Variants in KMO observed in about 807,000 individuals in gnomAD.
KMO encodes kynurenine 3-hydroxylase.
KMO carries 24 observed loss-of-function variants against 57.8 expected under a neutral mutation model. The observed-to-expected ratio is 0.42, with a 90% CI of 0.30 to 0.58. The LOEUF (loss-of-function observed/expected upper bound fraction) is 0.58, where lower values mean the gene tolerates loss of function less well. Among genes scored for constraint, KMO ranks in the 20% least tolerant of loss-of-function variants. The probability of loss-of-function intolerance (pLI) is 0.22; values close to 1 mark genes in which losing one functional copy is unlikely to be tolerated. For synonymous variants in KMO, 210 were observed against 193.6 expected (o/e 1.08, Z -0.70); for missense variants, 483 against 588.2 (o/e 0.82, Z 1.85).
At chr1:241,589,209 C>T (rs1663147267) in intron 12 of KMO, among the ~76,000 whole-genome samples, 1 of 151,902 alleles carries the variant, frequency 6.6e-6, no homozygotes, top group Admixed American at 6.6e-5. Flanking sequence ...AACATTATAA[C>T]TTGCATATTT....
intron 10 of KMO, among the ~76,000 whole-genome samples, chr1:241,571,599 A>G (rs1662281743): frequency 6.6e-6 from 1 of 151,954 alleles, no homozygotes. Flanking sequence ...ATTGATTTGT[A>G]TTTGTTGAAC....
At chr1:241,575,545 A>G (rs900562494) in intron 10 of KMO, among the ~76,000 whole-genome samples, 1 of 152,010 alleles carries the variant, frequency 6.6e-6, no homozygotes, top group Admixed American at 6.5e-5. Flanking sequence ...TCAAGAGAAG[A>G]TTGTTTAATT....
At chr1:241,587,638 T>C (rs1663055223) in intron 11 of KMO, among the ~76,000 whole-genome samples, 1 of 152,088 alleles carries the variant, frequency 6.6e-6, no homozygotes, top group Admixed American at 6.5e-5. Flanking sequence ...GAGACGGGGT[T>C]TCGTCATGTT....
chr1:241,589,896 A>G, intron 12 of KMO, 116 bp from the exon 13 acceptor site: 1 of 816,198 alleles, frequency 1.2e-6, no homozygotes, highest in Admixed American at 2.2e-5. Flanking sequence ...ACAAAAAATT[A>G]TTTGACTACT....
At chr1:241,549,999 G>A (rs1661338654) in intron 3 of KMO, 1 of 492,986 alleles carries the variant, frequency 2.0e-6, no homozygotes, top group South Asian at 2.6e-5. Flanking sequence ...TTCTGATATT[G>A]GGTTCTCAAC....
Position 241,594,161 on chromosome 1 carries a change from C to A in KMO, c.*2008C>A. The A allele has an allele frequency of 2.7e-6, 1 of 375,686 alleles. No individual in the cohort carries two copies. Among genetic ancestry groups the A allele is most frequent in the Admixed American group, 4.3e-5 (1 of 23,180 alleles). 23.3% of individuals were successfully genotyped at this position (375,686 alleles called of 1,614,324 possible). ...AAAATATATTTGAAATGAAAATCTCCAACACATTAGAAGATGATGATGTTA... is the reference window on the plus strand; with the variant it reads ...AAAATATATTTGAAATGAAAATCTCAAACACATTAGAAGATGATGATGTTA... On this transcript the variant is annotated 3_prime_UTR_variant, in exon 15 of 15. Transcript: ENST00000366559.
intron 1 of KMO, among the ~76,000 whole-genome samples, chr1:241,547,123 C>T (rs1303921515): frequency 1.3e-5 from 2 of 152,130 alleles, no homozygotes; most frequent in South Asian, 4.1e-4. Flanking sequence ...TATAAAGCTA[C>T]TGGTAGGGCA....
At chr1:241,575,267 T>G (rs1339821218) in intron 10 of KMO, among the ~76,000 whole-genome samples, 2 of 152,106 alleles carry the variant, frequency 1.3e-5, no homozygotes, top group East Asian at 3.8e-4. Flanking sequence ...ATTCATTTAG[T>G]TCTCCTCCGA....
At chr1:241,539,909 C>CAATT (rs1221174345) in intron 1 of KMO, among the ~76,000 whole-genome samples, 1 of 152,138 alleles carries the variant, frequency 6.6e-6, no homozygotes, top group African/African-American at 2.4e-5. Context: ...ATGCGTCATA[C>CAATT]AATTGTCTAT....
intron 10 of KMO, among the ~76,000 whole-genome samples, chr1:241,577,383 T>A (rs1662562039): frequency 6.6e-6 from 1 of 152,168 alleles, no homozygotes; most frequent in African/African-American, 2.4e-5. Context: ...TATTTTTAAA[T>A]TTATTTTTGA....
At chr1:241,589,247 C>T (rs1037224933) in intron 12 of KMO, among the ~76,000 whole-genome samples, 2 of 146,540 alleles carry the variant, frequency 1.4e-5, no homozygotes, top group Admixed American at 6.8e-5. Flanking sequence ...CCTTTGGAAA[C>T]TTATGCACTA....
At chr1:241,560,615 A>C (rs1661800152) in intron 5 of KMO, 50 bp from the exon 6 acceptor site, 1 of 1,245,086 alleles carries the variant, frequency 8.0e-7, no homozygotes, top group Non-Finnish European at 1.2e-6. Flanking sequence ...GATTAAGTGA[A>C]GTAAGAATTG....
chr1:241,550,949 T>G lies in KMO; in HGVS notation c.223-6T>G. On this transcript the variant is annotated splice_region_variant and splice_polypyrimidine_tract_variant and intron_variant, in intron 3 of 14. Coordinates refer to ENST00000366559, the MANE Select transcript of KMO (RefSeq NM_003679.5). The stretch of plus-strand genomic sequence containing the variant: ...ATTGAAGTCAATATTTCTGGTTTCA[T>G]TTCAGATTGTATCCCAAGGTATTCC... 6.8e-7 allele frequency: 1 copy of G among 1,461,768 alleles called. No homozygotes were observed. The highest frequency in any genetic ancestry group is 9.2e-7 in the Non-Finnish European group (1 of 1,085,336). 90.5% of individuals were successfully genotyped at this position (1,461,768 alleles called of 1,614,324 possible).
intron 5 of KMO, among the ~76,000 whole-genome samples, chr1:241,558,128 T>G (rs1348676391): frequency 6.6e-6 from 1 of 152,232 alleles, no homozygotes; most frequent in Non-Finnish European, 1.5e-5. Context: ...GTCTGTTTAT[T>G]CCAAAGCCCA....
At chr1:241,574,474 T>C (rs760609864) in intron 10 of KMO, among the ~76,000 whole-genome samples, 2 of 152,036 alleles carry the variant, frequency 1.3e-5, no homozygotes, top group Admixed American at 1.3e-4. Flanking sequence ...GTTTTCATCA[T>C]AAAGTGATTC....
intron 10 of KMO, among the ~76,000 whole-genome samples, chr1:241,582,823 T>G (rs2147979797): frequency 6.6e-6 from 1 of 152,312 alleles, no homozygotes; most frequent in Non-Finnish European, 1.5e-5. Context: ...TTGATGCTTG[T>G]GGATGTTTGT....
intron 1 of KMO, among the ~76,000 whole-genome samples, chr1:241,542,322 G>A (rs1296303623): frequency 6.6e-6 from 1 of 152,158 alleles, no homozygotes; most frequent in Non-Finnish European, 1.5e-5. Flanking sequence ...TTTTTAAGTG[G>A]TAGGTTAGGC....
intron 10 of KMO, among the ~76,000 whole-genome samples, chr1:241,577,004 T>C (rs992190650): frequency 6.6e-6 from 1 of 152,136 alleles, no homozygotes; most frequent in African/African-American, 2.4e-5. Flanking sequence ...TGAAATTCTT[T>C]CTTCTGCTTT....
chr1:241,571,157 T>C (rs1490275159), intron 10 of KMO, among the ~76,000 whole-genome samples: 2 of 150,296 alleles, frequency 1.3e-5, no homozygotes, highest in Non-Finnish European at 3.0e-5. Flanking sequence ...AATTTGTTTA[T>C]CAGTTCTAAT....
Sources: gnomAD v4.1 joint callset for allele counts (sites outside exome capture counted in the v4.1 genomes callset) on GRCh38, gnomAD v4.1.1 for gene constraint, MANE v1.5 for transcripts, NCBI Gene and HGNC (gene_info 2026-07-23, HGNC 2026-07-21) for gene names.